CLNK: variants seen among roughly 807,000 people sequenced by gnomAD.
The protein encoded by CLNK is cytokine dependent hematopoietic cell linker, also known as cytokine-dependent hematopoietic cell linker.
In CLNK, 74 loss-of-function variants were observed where a neutral mutation model predicts 68.6. The observed-to-expected ratio is 1.08, with a 90% confidence interval of 0.89 to 1.31. The LOEUF is 1.31. CLNK is among the 50% of genes most tolerant of loss of function. The pLI is 0.00. For missense variants in CLNK, 553 were observed against 515.3 expected (o/e 1.07, Z -0.71); for synonymous variants, 198 against 172.2 (o/e 1.15, Z -1.17).
intron 8 of CLNK, among the ~76,000 whole-genome samples, chr4:10,554,486 TCAAA>T (rs1413240276): frequency 2.0e-5 from 3 of 152,214 alleles, no homozygotes; most frequent in Non-Finnish European, 4.4e-5. Context: ...ATTTGTTATA[TCAAA>T]CAGTTACATA....
At chr4:10,556,959 C>T (rs1719694986) in intron 8 of CLNK, among the ~76,000 whole-genome samples, 1 of 151,852 alleles carries the variant, frequency 6.6e-6, no homozygotes, top group South Asian at 2.1e-4. Context: ...ATCTGTAATC[C>T]CAGCTACTCA....
chr4:10,507,822 C>G, intron 17 of CLNK, 137 bp downstream of exon 17: 2 of 678,786 alleles, frequency 2.9e-6, no homozygotes, highest in South Asian at 3.8e-5. Context: ...ACTACAGCCT[C>G]CCAGCACTGA....
At chr4:10,513,354 G>T in intron 16 of CLNK, 110 bp downstream of exon 16, 1 of 1,022,224 alleles carries the variant, frequency 9.8e-7, no homozygotes, top group Non-Finnish European at 1.4e-6. Flanking sequence ...AGCCAGAAGG[G>T]AAAAAGTTAA....
chr4:10,664,489 T>G (rs1223989947), intron 2 of CLNK, among the ~76,000 whole-genome samples: 1 of 152,214 alleles, frequency 6.6e-6, no homozygotes, highest in African/African-American at 2.4e-5. Context: ...CAGCCTGACA[T>G]GTGGCTCCTT....
At chr4:10,542,621 T>C (rs1364252458) in intron 8 of CLNK, among the ~76,000 whole-genome samples, 2 of 151,554 alleles carry the variant, frequency 1.3e-5, no homozygotes, top group African/African-American at 4.9e-5. Context: ...CTGTTTACGC[T>C]TAATGTGCAT....
chr4:10,600,632 C>A (rs1476975513), intron 2 of CLNK, among the ~76,000 whole-genome samples: 1 of 152,126 alleles, frequency 6.6e-6, no homozygotes, highest in Non-Finnish European at 1.5e-5. Context: ...GCTAACTGAC[C>A]CTGCCTGCTT....
chr4:10,632,198 A>T (rs2531209), intron 2 of CLNK, among the ~76,000 whole-genome samples: 7 of 152,062 alleles, frequency 4.6e-5, no homozygotes, highest in East Asian at 1.9e-4. Flanking sequence ...ACGAGTGTCC[A>T]GGCATCGTCC....
rs1230437242 is a variant in CLNK at position 10,514,504 on chromosome 4, G to C, written c.773-907C>G. 5.6e-5 allele frequency among the ~76,000 whole-genome samples: 8 copies of C among 144,090 alleles called. No individual in the cohort carries two copies. The South Asian group carries it at 6.9e-4, about 12-fold the overall frequency. The allele number at this position is 144,090 out of a possible 152,430, so 94.5% of individuals were successfully genotyped here. ...TGAGAAAAACAAGCAATGGGGAAAGGATTCCCTATTTAATAAATGGTGCTG... is the reference window on the plus strand; with the variant it reads ...TGAGAAAAACAAGCAATGGGGAAAGCATTCCCTATTTAATAAATGGTGCTG... On this transcript the variant is annotated intron_variant, in intron 15 of 18. Coordinates refer to ENST00000226951, the MANE Select transcript of CLNK (RefSeq NM_052964.4).
At chr4:10,728,820 T>C in the CLNK span, among the ~76,000 whole-genome samples, 4 of 151,970 alleles carry the variant, frequency 2.6e-5, no homozygotes, top group Non-Finnish European at 5.9e-5. Context: ...AGGATGGTCT[T>C]GATCTCCTGA....
intron 2 of CLNK, among the ~76,000 whole-genome samples, chr4:10,617,540 C>G (rs935311771): frequency 6.6e-6 from 1 of 152,192 alleles, no homozygotes; most frequent in Non-Finnish European, 1.5e-5. Flanking sequence ...GTACTAGACA[C>G]TTGGTAGTTA....
At chr4:10,536,973 C>T (rs1383675912) in intron 11 of CLNK, among the ~76,000 whole-genome samples, 1 of 152,100 alleles carries the variant, frequency 6.6e-6, no homozygotes, top group Non-Finnish European at 1.5e-5. Flanking sequence ...TAAATACCTT[C>T]AAAGCTTTTG....
upstream of CLNK, among the ~76,000 whole-genome samples, chr4:10,687,149 T>C (rs6814851): frequency 0.5 from 75,503 of 151,054 alleles, 18,865 homozygotes; most frequent in South Asian, 0.55. Flanking sequence ...AATAGATATT[T>C]ACATCCTCTA....
At chr4:10,644,157 G>T (rs1459936875) in intron 2 of CLNK, among the ~76,000 whole-genome samples, 3 of 152,192 alleles carry the variant, frequency 2.0e-5, no homozygotes, top group Non-Finnish European at 4.4e-5. Flanking sequence ...GTGTCTGTTG[G>T]GTGATTTAAG....
At chr4:10,656,104 G>A (rs1375614272) in intron 2 of CLNK, among the ~76,000 whole-genome samples, 1 of 152,028 alleles carries the variant, frequency 6.6e-6, no homozygotes, top group Non-Finnish European at 1.5e-5. Context: ...ATTTTGTGAT[G>A]TTTGGAATTC....
intron 2 of CLNK, among the ~76,000 whole-genome samples, chr4:10,645,595 C>G (rs1723475615): frequency 6.6e-6 from 1 of 151,964 alleles, no homozygotes. Flanking sequence ...TTAAGATTAG[C>G]TTATACCATA....
At chr4:10,620,473 C>G (rs1199047944) in intron 2 of CLNK, among the ~76,000 whole-genome samples, 1 of 152,230 alleles carries the variant, frequency 6.6e-6, no homozygotes, top group Non-Finnish European at 1.5e-5. Context: ...AGGACTCCCT[C>G]TAACCAAACT....
intron 10 of CLNK, among the ~76,000 whole-genome samples, chr4:10,541,399 C>T (rs1223676524): frequency 6.6e-6 from 1 of 151,736 alleles, no homozygotes; most frequent in Non-Finnish European, 1.5e-5. Flanking sequence ...CTGCTTCCCT[C>T]TAGCAGGGAA....
intron 2 of CLNK, among the ~76,000 whole-genome samples, chr4:10,661,958 A>G (rs542442748): frequency 6.6e-6 from 1 of 152,332 alleles, no homozygotes; most frequent in South Asian, 2.1e-4. Context: ...CCACCTCTAA[A>G]TATCTATCTC....
chr4:10,576,935 T>G (rs960678989), intron 4 of CLNK, among the ~76,000 whole-genome samples: 16 of 152,218 alleles, frequency 1.1e-4, no homozygotes, highest in African/African-American at 3.6e-4. Context: ...GGCCGGTGCC[T>G]TCATCTATGC....
Sources: gnomAD v4.1 joint callset for allele counts (sites outside exome capture counted in the v4.1 genomes callset) on GRCh38, gnomAD v4.1.1 for gene constraint, MANE v1.5 for transcripts, NCBI Gene and HGNC (gene_info 2026-07-23, HGNC 2026-07-21) for gene names.